Variants in SLC4A10 observed in about 807,000 individuals in gnomAD.
The protein encoded by SLC4A10 is solute carrier family 4 member 10.
Under a neutral mutation model 137.7 loss-of-function variants are expected in SLC4A10, and 42 were observed. The ratio of observed to expected loss-of-function variants is 0.30; its 90% CI spans 0.24 to 0.39. The LOEUF is 0.39. Among genes scored for constraint, SLC4A10 ranks in the 10% least tolerant of loss-of-function variants. The pLI is 1.00. For synonymous variants in SLC4A10, 474 were observed against 464.1 expected, an observed-to-expected ratio of 1.02 and a Z score of -0.27; for missense variants, 925 against 1,355.0, an observed-to-expected ratio of 0.68 and a Z score of 4.98.
At chr2:161,756,459 G>C (rs548938442) in intron 1 of SLC4A10, among the ~76,000 whole-genome samples, 1 of 152,068 alleles carries the variant, frequency 6.6e-6, no homozygotes, top group African/African-American at 2.4e-5. Flanking sequence ...TAAATTATCT[G>C]TTGCTTAATG....
At chr2:161,872,478 C>T (rs544055990) in intron 7 of SLC4A10, 94 bp downstream of exon 7, 69 of 885,562 alleles carry the variant, frequency 7.8e-5, no homozygotes, top group Non-Finnish European at 1.1e-4. Flanking sequence ...ATTTTGCATG[C>T]GCTTTTTGTT....
intron 4 of SLC4A10, among the ~76,000 whole-genome samples, chr2:161,854,549 A>C (rs950714540): frequency 1.3e-5 from 2 of 152,190 alleles, no homozygotes; most frequent in African/African-American, 2.4e-5. Context: ...AAAATTACCA[A>C]GAGACTAAAA....
intron 2 of SLC4A10, among the ~76,000 whole-genome samples, chr2:161,793,932 G>T (rs1015490090): frequency 6.6e-6 from 1 of 151,924 alleles, no homozygotes; most frequent in Non-Finnish European, 1.5e-5. Flanking sequence ...TGCCATGATT[G>T]AATTAGAAGA....
At chr2:161,701,265 T>C (rs1370605017) in intron 1 of SLC4A10, among the ~76,000 whole-genome samples, 1 of 151,936 alleles carries the variant, frequency 6.6e-6, no homozygotes, top group South Asian at 2.1e-4. Flanking sequence ...CTTTTAGGTG[T>C]TTTTTGCTGT....
intron 11 of SLC4A10, among the ~76,000 whole-genome samples, chr2:161,899,914 T>G (rs1682663178): frequency 6.6e-6 from 1 of 152,162 alleles, no homozygotes; most frequent in African/African-American, 2.4e-5. Flanking sequence ...ATTGAGCATT[T>G]TTCAAAACCT....
chr2:161,714,908 T>G (rs1434029199), intron 1 of SLC4A10, among the ~76,000 whole-genome samples: 1 of 151,964 alleles, frequency 6.6e-6, no homozygotes, highest in African/African-American at 2.4e-5. Flanking sequence ...GCCTAGCTTT[T>G]GGTTATTATA....
At chr2:161,708,851 T>G (rs1340325833) in intron 1 of SLC4A10, 1 of 1,523,266 alleles carries the variant, frequency 6.6e-7, no homozygotes, top group South Asian at 1.2e-5. Context: ...TGAATTATGA[T>G]GATAATATTA....
At chr2:161,770,862 A>G (rs2051502113) in intron 1 of SLC4A10, 111 bp from the exon 2 acceptor site, 1 of 704,986 alleles carries the variant, frequency 1.4e-6, no homozygotes, top group African/African-American at 1.8e-5. Context: ...GAACAACTAG[A>G]TTTAAATGAC....
intron 1 of SLC4A10, among the ~76,000 whole-genome samples, chr2:161,630,322 G>T (rs927136675): frequency 2.0e-5 from 3 of 151,738 alleles, no homozygotes; most frequent in Non-Finnish European, 4.4e-5. Context: ...TTTGGTTTTG[G>T]TATTAGGGTG....
At chr2:161,829,175 C>A (rs1178962870) in intron 3 of SLC4A10, among the ~76,000 whole-genome samples, 3 of 152,024 alleles carry the variant, frequency 2.0e-5, no homozygotes, top group African/African-American at 7.2e-5. Flanking sequence ...TAGCACTAAG[C>A]ACCAGACATG....
At chr2:161,755,156 C>T (rs888092509) in intron 1 of SLC4A10, among the ~76,000 whole-genome samples, 6 of 152,198 alleles carry the variant, frequency 3.9e-5, no homozygotes, top group African/African-American at 1.2e-4. Flanking sequence ...CAAGGAATTT[C>T]GCTTAATCGG....
intron 1 of SLC4A10, among the ~76,000 whole-genome samples, chr2:161,695,859 G>C (rs2042431011): frequency 6.6e-6 from 1 of 152,246 alleles, no homozygotes; most frequent in African/African-American, 2.4e-5. Context: ...AATGTTTAGT[G>C]ATAGCAGTTA....
At chr2:161,823,385 C>G (rs1159158721) in intron 3 of SLC4A10, among the ~76,000 whole-genome samples, 1 of 152,212 alleles carries the variant, frequency 6.6e-6, no homozygotes, top group African/African-American at 2.4e-5. Flanking sequence ...CTTAAAACAC[C>G]TTGTGATGCT....
intron 1 of SLC4A10, among the ~76,000 whole-genome samples, chr2:161,668,476 A>G (rs2039331438): frequency 6.6e-6 from 1 of 151,830 alleles, no homozygotes; most frequent in Non-Finnish European, 1.5e-5. Context: ...GCAGCCTCAG[A>G]AGTAGTGAGT....
intron 1 of SLC4A10, among the ~76,000 whole-genome samples, chr2:161,747,526 CT>C (rs1419682183): frequency 6.6e-6 from 1 of 152,054 alleles, no homozygotes; most frequent in African/African-American, 2.4e-5. Context: ...GATTACTCGC[CT>C]GATTTTTGGT....
chr2:161,942,766 C>T, intron 15 of SLC4A10, 26 bp from the exon 16 acceptor site: 1 of 1,546,080 alleles, frequency 6.5e-7, no homozygotes, highest in Non-Finnish European at 8.8e-7. Context: ...ACTTATTTCA[C>T]AAAAGACACT....
At chr2:161,829,094 A>C (rs1352293056) in intron 3 of SLC4A10, among the ~76,000 whole-genome samples, 6 of 151,748 alleles carry the variant, frequency 4.0e-5, no homozygotes, top group African/African-American at 1.5e-4. Flanking sequence ...GCCTGACTTA[A>C]TCCCACCTCT....
At chr2:161,685,937 A>G (rs1317232907) in intron 1 of SLC4A10, among the ~76,000 whole-genome samples, 2 of 152,270 alleles carry the variant, frequency 1.3e-5, no homozygotes, top group East Asian at 3.9e-4. Context: ...CCCTGCCTTC[A>G]AGGAGGTCAT....
At chr2:161,850,943 G>A (rs1455261036) in intron 4 of SLC4A10, among the ~76,000 whole-genome samples, 5 of 151,890 alleles carry the variant, frequency 3.3e-5, no homozygotes, top group Non-Finnish European at 4.4e-5. Flanking sequence ...GGAATTTCTC[G>A]GTTTCTACAG....
Sources: allele counts gnomAD v4.1 joint callset (sites outside exome capture counted in the v4.1 genomes callset), GRCh38; gene constraint gnomAD v4.1.1; transcripts MANE v1.5; gene names NCBI Gene and HGNC (gene_info 2026-07-23, HGNC 2026-07-21).